PCDH7: variants seen among roughly 807,000 people sequenced by gnomAD.
PCDH7 encodes protocadherin-7.
In PCDH7, 17 loss-of-function variants were observed where a neutral mutation model predicts 58.9. The observed-to-expected ratio is 0.29, with a 90% confidence interval of 0.20 to 0.43. The LOEUF (loss-of-function observed/expected upper bound fraction) is 0.43. Ranked by LOEUF, PCDH7 falls within the 20% of genes least tolerant of loss-of-function variation. The pLI is 1.00. For missense variants in PCDH7, 1,274 were observed against 1,441.0 expected, an observed-to-expected ratio of 0.88 and a Z score of 1.88; for synonymous variants, 664 against 616.4, an observed-to-expected ratio of 1.08 and a Z score of -1.14.
In PCDH7 at chr4:31,070,962, A is replaced by G. The variant is rs562924756; in HGVS notation, c.*8-71511A>G. ...GGGCCATCCAAAAAAGACATTATGC[A>G]GTGTTTAGCTGAGTTTGTATAAAAT... On this transcript the variant is annotated intron_variant, in intron 3 of 3. Coordinates refer to the PCDH7 transcript ENST00000509759. Among the ~76,000 whole-genome samples the G allele has an allele frequency of 4.6e-5, 7 of 152,206 alleles. No homozygotes were observed. The South Asian group carries it at 1.4e-3, about 31-fold the overall frequency.
downstream of PCDH7, chr4:31,145,554 G>A (rs1257376237): frequency 6.6e-6 from 1 of 152,008 alleles, no homozygotes; most frequent in African/African-American, 2.4e-5. Flanking sequence ...AACGGTTGTT[G>A]GGTTTGGACA....
At chr4:30,925,751 T>C (rs1211080862) in intron 2 of PCDH7, 2 of 152,150 alleles carry the variant, frequency 1.3e-5, no homozygotes, top group Non-Finnish European at 2.9e-5. Flanking sequence ...CATAGTAATA[T>C]ATAGAGAGAT....
chr4:31,126,748 C>A (rs1468015849), intron 3 of PCDH7, among the ~76,000 whole-genome samples: 1 of 152,128 alleles, frequency 6.6e-6, no homozygotes, highest in Non-Finnish European at 1.5e-5. Flanking sequence ...TCACAAAGTA[C>A]CACCAAATGG....
intron 1 of PCDH7, among the ~76,000 whole-genome samples, chr4:30,729,774 T>C (rs1452653216): frequency 6.6e-6 from 1 of 152,060 alleles, no homozygotes; most frequent in Non-Finnish European, 1.5e-5. Flanking sequence ...AGTAGCATCC[T>C]TAACACACAG....
At chr4:30,893,793 G>C (rs534227016) in intron 1 of PCDH7, among the ~76,000 whole-genome samples, 1 of 151,974 alleles carries the variant, frequency 6.6e-6, no homozygotes, top group Non-Finnish European at 1.5e-5. Flanking sequence ...ATTTTTCATT[G>C]AAGGACCACA....
Position 30,786,100 on chromosome 4 carries a change from A to G in PCDH7, c.70+61504A>G, listed in dbSNP as rs114581469. 3.9e-3 allele frequency among the ~76,000 whole-genome samples: 592 copies of G among 152,228 alleles called. 7 individuals carry two copies. The highest frequency in any genetic ancestry group is 0.013 in the African/African-American group (528 of 41,566). Reference sequence around the variant, plus strand: ...ATTTTTCCAAACTAGAAACAAAGTTAGGAAACATTGTGCTTTTACAGTCAT... The same window carrying G: ...ATTTTTCCAAACTAGAAACAAAGTTGGGAAACATTGTGCTTTTACAGTCAT... On this transcript the variant is annotated intron_variant, in intron 1 of 3. Coordinates refer to the PCDH7 transcript ENST00000509759.
chr4:30,882,285 A>G (rs376660173), intron 1 of PCDH7, among the ~76,000 whole-genome samples: 133 of 151,184 alleles, frequency 8.8e-4, no homozygotes, highest in African/African-American at 3.1e-3. Context: ...TTCTTGGAGA[A>G]AGGGTCTTGT....
chr4:30,877,407 T>C (rs187001085), intron 1 of PCDH7, among the ~76,000 whole-genome samples: 26 of 152,252 alleles, frequency 1.7e-4, no homozygotes, highest in Admixed American at 5.9e-4. Flanking sequence ...AGTGTATTGA[T>C]TAGTGAGAGA....
intron 3 of PCDH7, among the ~76,000 whole-genome samples, chr4:31,096,583 G>T (rs1207095494): frequency 6.6e-6 from 1 of 152,184 alleles, no homozygotes; most frequent in Non-Finnish European, 1.5e-5. Context: ...TATGTCTAGA[G>T]TTTAAAAACA....
At chr4:30,785,302 A>G (rs1361953178) in intron 1 of PCDH7, among the ~76,000 whole-genome samples, 1 of 152,062 alleles carries the variant, frequency 6.6e-6, no homozygotes, top group Non-Finnish European at 1.5e-5. Context: ...TCATCTGTGT[A>G]TAAGGAATTT....
At chr4:31,085,378 C>CCATAAT (rs1451589160) in intron 3 of PCDH7, among the ~76,000 whole-genome samples, 1 of 151,954 alleles carries the variant, frequency 6.6e-6, no homozygotes, top group Non-Finnish European at 1.5e-5. Context: ...GACTCCTAAG[C>CCATAAT]CATAATATCT....
At chr4:30,925,554 G>A (rs1188221471) in intron 2 of PCDH7, among the ~76,000 whole-genome samples, 2 of 152,130 alleles carry the variant, frequency 1.3e-5, no homozygotes, top group Non-Finnish European at 2.9e-5. Context: ...AGACTAACAT[G>A]ACTTGCTAAG....
At chr4:31,005,162 C>T (rs1578540048) in intron 3 of PCDH7, among the ~76,000 whole-genome samples, 1 of 152,286 alleles carries the variant, frequency 6.6e-6, no homozygotes, top group East Asian at 1.9e-4. Flanking sequence ...TGGACGAAAA[C>T]AAACTGCTCG....
At chr4:30,773,885 G>A (rs2109281236) in intron 1 of PCDH7, among the ~76,000 whole-genome samples, 1 of 152,254 alleles carries the variant, frequency 6.6e-6, no homozygotes, top group South Asian at 2.1e-4. Flanking sequence ...GGACAAGCTA[G>A]ATGGGAGTGT....
At chr4:30,755,783 A>C (rs1414734996) in intron 1 of PCDH7, among the ~76,000 whole-genome samples, 4 of 152,110 alleles carry the variant, frequency 2.6e-5, no homozygotes, top group Non-Finnish European at 2.9e-5. Flanking sequence ...TTTGTACTGC[A>C]TTAAAACATG....
At chr4:30,820,986 A>C (rs960162704) in intron 1 of PCDH7, among the ~76,000 whole-genome samples, 8 of 152,228 alleles carry the variant, frequency 5.3e-5, no homozygotes, top group Admixed American at 3.9e-4. Context: ...CTAATGGCTT[A>C]AATATTGATA....
intron 1 of PCDH7, among the ~76,000 whole-genome samples, chr4:30,845,154 TTATC>T (rs1218404535): frequency 4.6e-5 from 7 of 152,260 alleles, no homozygotes; most frequent in Non-Finnish European, 1.0e-4. Flanking sequence ...TGCTATTAGT[TTATC>T]TAAGCTAAAA....
At chr4:31,112,211 C>G (rs139703130) in intron 3 of PCDH7, among the ~76,000 whole-genome samples, 1 of 152,212 alleles carries the variant, frequency 6.6e-6, no homozygotes, top group African/African-American at 2.4e-5. Flanking sequence ...ATTAGTTTTG[C>G]TAACTTTCTG....
At chr4:30,752,092 T>C (rs1198601258) in intron 1 of PCDH7, among the ~76,000 whole-genome samples, 1 of 152,092 alleles carries the variant, frequency 6.6e-6, no homozygotes, top group Non-Finnish European at 1.5e-5. Flanking sequence ...TCTTCCACGC[T>C]TCTTTACTTT....
Sources: allele counts gnomAD v4.1 joint callset (sites outside exome capture counted in the v4.1 genomes callset), GRCh38; gene constraint gnomAD v4.1.1; transcripts MANE v1.5; gene names NCBI Gene and HGNC (gene_info 2026-07-23, HGNC 2026-07-21).